IGF2: variants seen among roughly 807,000 people sequenced by gnomAD.
The protein encoded by IGF2 is insulin like growth factor 2, also known as insulin-like growth factor 2.
Under a neutral mutation model 12.0 loss-of-function variants are expected in IGF2, and 2 were observed. The observed-to-expected ratio is 0.17, with a 90% confidence interval of 0.07 to 0.52. The LOEUF (loss-of-function observed/expected upper bound fraction) is 0.52. Ranked by LOEUF, IGF2 falls within the 20% of genes least tolerant of loss-of-function variation. The pLI is 0.95. For missense variants in IGF2, 211 were observed against 268.0 expected (o/e 0.79, Z 1.48); for synonymous variants, 105 against 110.1 (o/e 0.95, Z 0.29).
At position 2,138,786 on chromosome 11, in the gene IGF2, G is replaced by A. The variant is rs1386061237; in HGVS notation, c.-564C>T. On this transcript the variant is annotated 5_prime_UTR_variant, in exon 1 of 4. Transcript: ENST00000416167. ...GTTGCGGGAGAAAGAGCGGGGGCCGGGGCCAGACGCCAAGAGGGGCGCGGG... is the reference window on the plus strand; with the variant it reads ...GTTGCGGGAGAAAGAGCGGGGGCCGAGGCCAGACGCCAAGAGGGGCGCGGG... 5.2e-6 allele frequency: 5 copies of A among 953,606 alleles called. No individual in the cohort carries two copies. The highest frequency in any genetic ancestry group is 6.2e-6 in the Non-Finnish European group (5 of 801,912). The allele number at this position is 953,606 out of a possible 1,614,324, so 59.1% of individuals were successfully genotyped here. A position where few individuals can be genotyped will look rare whatever the true frequency, so the allele number is the denominator to read the frequency against.
Position 2,130,834 on chromosome 11 carries a change from G to A in IGF2, c.*2153C>T, listed in dbSNP as rs921597794. The A allele has an allele frequency of 2.9e-5, 4 of 139,620 alleles. No individual in the cohort carries two copies. The highest frequency in any genetic ancestry group is 2.9e-5 in the Non-Finnish European group (2 of 68,912). The allele number at this position is 139,620 out of a possible 1,614,324, so 8.6% of individuals were successfully genotyped here. A position where few individuals can be genotyped will look rare whatever the true frequency, so the allele number is the denominator to read the frequency against. ...TCCCACACTCCCCGCATCAGTGCAC[G>A]GCCCCCGAGGACTCCACATTTCTTG... is the stretch of plus-strand genomic sequence containing the variant. On this transcript the variant is annotated 3_prime_UTR_variant, in exon 4 of 4. Transcript: ENST00000416167.
chr11:2,134,103 T>G (rs1858818690), intron 2 of IGF2: 1 of 498,014 alleles, frequency 2.0e-6, no homozygotes, highest in Non-Finnish European at 4.0e-6. Flanking sequence ...ACACCACCCC[T>G]GGAGCTGCTG....
chr11:2,137,540 G>T (rs1027732725), intron 1 of IGF2, among the ~76,000 whole-genome samples: 1 of 145,954 alleles, frequency 6.9e-6, no homozygotes, highest in South Asian at 2.2e-4. Flanking sequence ...GGGGGGGGGG[G>T]TCTCCTTCCC....
At chr11:2,147,344 C>T in the IGF2 span, 14 of 380,586 alleles carry the variant, frequency 3.7e-5, no homozygotes, top group South Asian at 5.8e-4. This position sits in a 1 kb window ranked among gnomAD's most constrained non-coding sequence, Gnocchi z 7.2. Context: ...ACCTCGGTGC[C>T]GTGGAGACTG....
rs1319549020 is a variant in IGF2, at chr11:2,138,870, G to C, written c.-648C>G. ...CGAGGGGCCGGGGGAGGCGGTGACT[G>C]GGGGGCGGAGTGGAGGCTGCACCCG... is the stretch of plus-strand genomic sequence containing the variant. On this transcript the variant is annotated 5_prime_UTR_variant, in exon 1 of 4. Transcript: ENST00000416167. 5 of 978,872 alleles carry C rather than the reference G, an allele frequency of 5.1e-6. No individual in the cohort carries two copies. Among genetic ancestry groups the C allele is most frequent in the East Asian group, 1.1e-4 (1 of 8,702 alleles). The allele number at this position is 978,872 out of a possible 1,614,324, so 60.6% of individuals were successfully genotyped here. A position where few individuals can be genotyped will look rare whatever the true frequency, so the allele number is the denominator to read the frequency against.
chr11:2,149,155 A>G, the IGF2 span: 1 of 1,613,388 alleles, frequency 6.2e-7, no homozygotes, highest in African/African-American at 1.3e-5. Flanking sequence ...CAGTCCCCGC[A>G]GCTCCTGGAC....
Position 2,129,374 on chromosome 11 carries a change from G to T in IGF2, c.*3613C>A, listed in dbSNP as rs569692295. 4.4e-6 allele frequency: 1 copy of T among 227,300 alleles called. No individual in the cohort carries two copies. Among genetic ancestry groups the T allele is most frequent in the African/African-American group, 2.2e-5 (1 of 44,884 alleles). The allele number at this position is 227,300 out of a possible 1,614,324, so 14.1% of individuals were successfully genotyped here. A position where few individuals can be genotyped will look rare whatever the true frequency, so the allele number is the denominator to read the frequency against. The stretch of plus-strand genomic sequence containing the variant: ...GGACACGGGGAGGAGACAAGATGGA[G>T]AGCCACGACTAGGCACGGAGGTCAG... On this transcript the variant is annotated 3_prime_UTR_variant, in exon 4 of 4. Coordinates refer to ENST00000416167, the MANE Select transcript of IGF2 (RefSeq NM_000612.6). The surrounding 1 kb of genome is among the most constrained non-coding windows in gnomAD (Gnocchi z 8.1).
At chr11:2,145,363 G>A (rs953745723), upstream of IGF2, among the ~76,000 whole-genome samples, 6 of 152,206 alleles carry the variant, frequency 3.9e-5, no homozygotes, top group Admixed American at 2.0e-4. Flanking sequence ...CTAGGTTGCC[G>A]AGGCTCCCGT....
In IGF2 at chr11:2,134,315, C is replaced by T. The variant is rs187500191; in HGVS notation, c.158-650G>A. 10 of 359,872 alleles carry T rather than the reference C, an allele frequency of 2.8e-5. No homozygotes were observed. The Admixed American group carries it at 5.1e-4, about 18-fold the overall frequency. 22.3% of individuals were successfully genotyped at this position (359,872 alleles called of 1,614,324 possible). A position where few individuals can be genotyped will look rare whatever the true frequency, so the allele number is the denominator to read the frequency against. On this transcript the variant is annotated intron_variant, in intron 2 of 3. Coordinates refer to ENST00000416167, the MANE Select transcript of IGF2 (RefSeq NM_000612.6). Reference sequence around the variant, plus strand: ...CCGGAGGAGGGAGCAGGAGCCCCATCACGGGGGTCCCCCAAGTGGGGGCTT... The same window carrying T: ...CCGGAGGAGGGAGCAGGAGCCCCATTACGGGGGTCCCCCAAGTGGGGGCTT...
chr11:2,140,318 G>GT, upstream of IGF2: 10 of 1,603,574 alleles, frequency 6.2e-6, no homozygotes, highest in Non-Finnish European at 7.7e-6. Context: ...TTTGAACGAT[G>GT]TAAGAAAGCA....
chr11:2,142,248 A>G (rs1859646162), upstream of IGF2, among the ~76,000 whole-genome samples: 1 of 152,058 alleles, frequency 6.6e-6, no homozygotes, highest in African/African-American at 2.4e-5. This position sits in a 1 kb window ranked among gnomAD's most constrained non-coding sequence, Gnocchi z 5.7. Flanking sequence ...AGGGAAAAAA[A>G]TCTCAATTTG....
At chr11:2,142,857 A>G (rs1225392420), upstream of IGF2, among the ~76,000 whole-genome samples, 1 of 152,166 alleles carries the variant, frequency 6.6e-6, no homozygotes, top group Non-Finnish European at 1.5e-5. The surrounding 1 kb of genome is among the most constrained non-coding windows in gnomAD (Gnocchi z 5.7). Context: ...GGGACCCGGG[A>G]GACCCTGTGT....
In IGF2 at chr11:2,132,226, C is replaced by G; in HGVS notation, c.*761G>C. 1 of 204,986 alleles carries G rather than the reference C, an allele frequency of 4.9e-6. No individual in the cohort carries two copies. The highest frequency in any genetic ancestry group is 7.3e-5 in the East Asian group (1 of 13,620). The allele number at this position is 204,986 out of a possible 1,614,324, so 12.7% of individuals were successfully genotyped here. A position where few individuals can be genotyped will look rare whatever the true frequency, so the allele number is the denominator to read the frequency against. On this transcript the variant is annotated 3_prime_UTR_variant, in exon 4 of 4. Coordinates refer to ENST00000416167, the MANE Select transcript of IGF2 (RefSeq NM_000612.6). ...ATGGATTTTGGTTTTCATGCTCTGT[C>G]CTCCCCTCCTTTGGTCTTACTGGGT...
chr11:2,149,109 G>C, the IGF2 span: 28 of 1,607,852 alleles, frequency 1.7e-5, no homozygotes, highest in Middle Eastern at 1.6e-4. Context: ...ACACTCAAGG[G>C]ATGGGAGCCC....
chr11:2,144,865 G>T (rs1326432333), upstream of IGF2, among the ~76,000 whole-genome samples: 9 of 152,102 alleles, frequency 5.9e-5, no homozygotes, highest in Non-Finnish European at 1.2e-4. Flanking sequence ...TGTCCCCATT[G>T]TCACCCCATA....
At chr11:2,143,513 C>G (rs1564902926), upstream of IGF2, among the ~76,000 whole-genome samples, 1 of 152,060 alleles carries the variant, frequency 6.6e-6, no homozygotes. Context: ...GGGAGCCAGG[C>G]AAATTGGTCA....
chr11:2,143,738 T>C (rs1165874439), upstream of IGF2, among the ~76,000 whole-genome samples: 1 of 152,268 alleles, frequency 6.6e-6, no homozygotes, highest in Non-Finnish European at 1.5e-5. Flanking sequence ...AAGAAAATTA[T>C]TGTGACCCGT....
At chr11:2,143,360 TG>T (rs1350701323), upstream of IGF2, among the ~76,000 whole-genome samples, 1 of 34,858 alleles carries the variant, frequency 2.9e-5, no homozygotes, top group Admixed American at 3.4e-4. Flanking sequence ...GGGGGTGGGG[TG>T]GGGGGGCGCG....
intron 1 of IGF2, among the ~76,000 whole-genome samples, chr11:2,136,441 G>A (rs1859056038): frequency 6.6e-6 from 1 of 152,244 alleles, no homozygotes; most frequent in East Asian, 1.9e-4. Context: ...TCTGGAAGGG[G>A]AGGCCAGTCT....
Sources: allele counts gnomAD v4.1 joint callset (sites outside exome capture counted in the v4.1 genomes callset), GRCh38; gene constraint gnomAD v4.1.1; non-coding constraint Gnocchi (gnomAD v3.1); transcripts MANE v1.5; gene names NCBI Gene and HGNC (gene_info 2026-07-23, HGNC 2026-07-21).